INPP5A: variants seen among roughly 807,000 people sequenced by gnomAD.
INPP5A encodes the protein inositol polyphosphate-5-phosphatase A, also known as 43 kDa inositol polyphosphate 5-phophatase.
A neutral mutation model predicts 65.2 loss-of-function variants in INPP5A; 14 were observed. The ratio of observed to expected loss-of-function variants is 0.21; its 90% confidence interval spans 0.14 to 0.34. The LOEUF is 0.34. INPP5A is among the 10% of genes least tolerant of loss of function. The pLI is 1.00. For synonymous variants in INPP5A, 207 were observed against 208.3 expected (o/e 0.99, Z 0.05); for missense variants, 431 against 545.6 (o/e 0.79, Z 2.09).
At chr10:132,726,188 C>T (rs917266103) in intron 8 of INPP5A, among the ~76,000 whole-genome samples, 2 of 152,206 alleles carry the variant, frequency 1.3e-5, no homozygotes, top group Admixed American at 6.5e-5. Context: ...ACAGCTGTAC[C>T]TGGCTAAAAA....
At chr10:132,559,264 C>T (rs1380347917) in intron 1 of INPP5A, among the ~76,000 whole-genome samples, 1 of 152,212 alleles carries the variant, frequency 6.6e-6, no homozygotes, top group African/African-American at 2.4e-5. Flanking sequence ...CTGAGTGAAG[C>T]GCACACGTGG....
chr10:132,688,041 C>T (rs930131725), intron 4 of INPP5A, among the ~76,000 whole-genome samples: 2 of 152,206 alleles, frequency 1.3e-5, no homozygotes, highest in Non-Finnish European at 2.9e-5. Context: ...ACCATCACCC[C>T]AGCCCACCAT....
intron 1 of INPP5A, among the ~76,000 whole-genome samples, chr10:132,602,607 A>AT (rs1249862058): frequency 1.3e-5 from 2 of 152,012 alleles, no homozygotes; most frequent in Non-Finnish European, 1.5e-5. Flanking sequence ...ATTTCTATCA[A>AT]TTTTTTGGTG....
chr10:132,774,677 TACCCA>T (rs2134688637), intron 12 of INPP5A, among the ~76,000 whole-genome samples: 1 of 152,046 alleles, frequency 6.6e-6, no homozygotes, highest in African/African-American at 2.4e-5. Flanking sequence ...CGACCCTACC[TACCCA>T]GCCCAGCCTG....
chr10:132,645,812 C>T (rs1302636847), intron 2 of INPP5A, 56 bp from the exon 3 acceptor site: 32 of 1,374,382 alleles, frequency 2.3e-5, no homozygotes, highest in Non-Finnish European at 3.1e-5. Context: ...GGTGGTGCCA[C>T]GTGTGGCTCT....
intron 11 of INPP5A, among the ~76,000 whole-genome samples, chr10:132,752,981 C>G (rs1281276570): frequency 6.6e-6 from 1 of 152,080 alleles, no homozygotes; most frequent in Non-Finnish European, 1.5e-5. Flanking sequence ...TGCACTGTGT[C>G]GATACGTCGG....
intron 6 of INPP5A, among the ~76,000 whole-genome samples, chr10:132,700,683 G>A (rs555926888): frequency 2.0e-5 from 3 of 152,284 alleles, no homozygotes; most frequent in Admixed American, 6.5e-5. Flanking sequence ...CCGACCTCTC[G>A]CTGTGTTTGA....
At chr10:132,667,406 A>G (rs1262213284) in intron 4 of INPP5A, among the ~76,000 whole-genome samples, 1 of 152,232 alleles carries the variant, frequency 6.6e-6, no homozygotes, top group Admixed American at 6.5e-5. Context: ...CCCAGTTTTC[A>G]TCTATTATCA....
At chr10:132,773,358 G>A (rs934934489) in intron 12 of INPP5A, among the ~76,000 whole-genome samples, 1 of 152,306 alleles carries the variant, frequency 6.6e-6, no homozygotes, top group East Asian at 1.9e-4. Context: ...GAGCAAGATC[G>A]AGTTTTAGCT....
intron 11 of INPP5A, 24 bp downstream of exon 11, chr10:132,749,869 A>G (rs2134637518): frequency 1.2e-6 from 2 of 1,603,428 alleles, no homozygotes; most frequent in Non-Finnish European, 1.7e-6. Context: ...CCAATGTGGC[A>G]GCTCCCCCGT....
intron 4 of INPP5A, among the ~76,000 whole-genome samples, chr10:132,689,331 C>T (rs1845215745): frequency 6.6e-6 from 1 of 152,186 alleles, no homozygotes; most frequent in African/African-American, 2.4e-5. Context: ...TCTGCAGCTG[C>T]GCCCGTGTGC....
intron 11 of INPP5A, among the ~76,000 whole-genome samples, chr10:132,757,350 G>A (rs1035340772): frequency 3.3e-5 from 5 of 152,224 alleles, no homozygotes; most frequent in East Asian, 1.9e-4. Context: ...CCGCAGAGGT[G>A]CACGCTTTTT....
At chr10:132,671,865 T>C (rs1477671169) in intron 4 of INPP5A, among the ~76,000 whole-genome samples, 2 of 152,158 alleles carry the variant, frequency 1.3e-5, no homozygotes, top group African/African-American at 2.4e-5. Context: ...GGTTCTGGCC[T>C]CAGAGCCTGT....
intron 4 of INPP5A, among the ~76,000 whole-genome samples, chr10:132,690,026 A>G (rs1461403188): frequency 6.6e-6 from 1 of 151,560 alleles, no homozygotes; most frequent in East Asian, 1.9e-4. Context: ...TGCACGGCTC[A>G]CCTGGGAAGG....
At chr10:132,611,990 A>G (rs1590867548) in intron 2 of INPP5A, among the ~76,000 whole-genome samples, 2 of 98,070 alleles carry the variant, frequency 2.0e-5, no homozygotes, top group African/African-American at 8.3e-5. Flanking sequence ...GCCCTGTCAG[A>G]GGAAGGTGTG....
At chr10:132,668,753 C>G (rs1021191039) in intron 4 of INPP5A, among the ~76,000 whole-genome samples, 9 of 152,222 alleles carry the variant, frequency 5.9e-5, no homozygotes, top group African/African-American at 1.7e-4. Context: ...CACTTCACCC[C>G]TCTCTGAATA....
intron 2 of INPP5A, among the ~76,000 whole-genome samples, chr10:132,635,707 A>G (rs1373814985): frequency 1.3e-5 from 2 of 151,710 alleles, no homozygotes; most frequent in African/African-American, 4.8e-5. Context: ...TTTTAAAGAT[A>G]TTTTTAAAGC....
Position 132,756,834 on chromosome 10 carries a change from CT to C in INPP5A, c.903+6990del, listed in dbSNP as rs564677021. On this transcript the variant is annotated intron_variant, in intron 11 of 15. Coordinates refer to ENST00000368594, the MANE Select transcript of INPP5A (RefSeq NM_005539.5). ...TGAGGCTGCATGCGGGTGGTTGCCC[CT>C]GAGGGCCTTTCCGTGGGACGCAGAG... Among the ~76,000 whole-genome samples the C allele has an allele frequency of 1.3e-4, 20 of 152,350 alleles. No homozygotes were observed. In the South Asian group the frequency reaches 3.7e-3, roughly 28 times the overall value.
At chr10:132,577,084 G>A (rs1397914649) in intron 1 of INPP5A, among the ~76,000 whole-genome samples, 1 of 152,228 alleles carries the variant, frequency 6.6e-6, no homozygotes, top group Non-Finnish European at 1.5e-5. Flanking sequence ...TGTGGGGAAG[G>A]GGTTTTGGCT....
Sources: allele counts gnomAD v4.1 joint callset (sites outside exome capture counted in the v4.1 genomes callset), GRCh38; gene constraint gnomAD v4.1.1; transcripts MANE v1.5; gene names NCBI Gene and HGNC (gene_info 2026-07-23, HGNC 2026-07-21).